Variants in PCDHGB3 observed in about 807,000 individuals in gnomAD.
PCDHGB3 encodes protocadherin gamma subfamily B, 3, also known as protocadherin gamma-B3.
PCDHGB3 carries 40 observed loss-of-function variants against 59.2 expected under a neutral mutation model. The ratio of observed to expected loss-of-function variants is 0.68; its 90% CI spans 0.52 to 0.88. The LOEUF is 0.88. Among genes scored for constraint, PCDHGB3 ranks in the 40% least tolerant of loss-of-function variants. PCDHGB3 has a pLI of 0.00. For synonymous variants in PCDHGB3, 581 were observed against 503.6 expected, an observed-to-expected ratio of 1.15 and a Z score of -2.06; for missense variants, 1,309 against 1,187.9, an observed-to-expected ratio of 1.10 and a Z score of -1.50.
At chr5:141,392,760 A>C in intron 1 of PCDHGB3, 1 of 1,475,092 alleles carries the variant, frequency 6.8e-7, no homozygotes, top group Non-Finnish European at 9.0e-7. Context: ...GAAACTAAAT[A>C]AGACCCATTT....
chr5:141,411,859 C>CA (rs553337516), intron 1 of PCDHGB3: 8,585 of 145,752 alleles, frequency 0.059, 330 homozygotes, highest in Non-Finnish European at 0.088. Context: ...GACCCTGTCT[C>CA]AAAAAAAAAA....
chr5:141,417,821 A>G (rs769813917), intron 1 of PCDHGB3: 1 of 1,514,942 alleles, frequency 6.6e-7, no homozygotes, highest in African/African-American at 1.4e-5. Flanking sequence ...ACTTTCTCCA[A>G]CTGGAAAAGC....
At chr5:141,400,262 G>T (rs1485452553) in intron 1 of PCDHGB3, 1 of 1,613,914 alleles carries the variant, frequency 6.2e-7, no homozygotes, top group African/African-American at 1.3e-5. Flanking sequence ...TTGCGCCTGC[G>T]ACGCTCCTCC....
chr5:141,432,622 G>A lies in PCDHGB3; in HGVS notation c.2415+59813G>A. 6.2e-7 allele frequency: 1 copy of A among 1,612,776 alleles called. No individual in the cohort carries two copies. The stretch of plus-strand genomic sequence containing the variant: ...AGCCGGGACTCTTCTCGGTGGGTCT[G>A]CACACGGGCGAGGTGCGCACGGCGC... On this transcript the variant is annotated intron_variant, in intron 1 of 3. Transcript: ENST00000576222. This position sits in a 1 kb window ranked among gnomAD's most constrained non-coding sequence, Gnocchi z 6.0.
In PCDHGB3 at chr5:141,374,228, G is replaced by A. The variant is rs776875063; in HGVS notation, c.2415+1419G>A. On this transcript the variant is annotated intron_variant, in intron 1 of 3. Coordinates refer to ENST00000576222, the MANE Select transcript of PCDHGB3 (RefSeq NM_018924.5). ...GAAAGGCTCCTTCGTAGGCAACATC[G>A]TCAAGGATCTGGGACTGGAGCCCCA... The A allele has an allele frequency of 3.1e-6, 5 of 1,613,988 alleles. No homozygotes were observed. In the South Asian group the frequency reaches 3.3e-5, roughly 11 times the overall value.
intron 1 of PCDHGB3, chr5:141,393,706 C>T: frequency 1.2e-6 from 2 of 1,613,798 alleles, no homozygotes; most frequent in African/African-American, 1.3e-5. Flanking sequence ...AATGAAAATA[C>T]TGGGGAAATA....
rs73280920 is a variant in PCDHGB3 at position 141,453,809 on chromosome 5, A to G, written c.2416-40998A>G. Among the ~76,000 whole-genome samples, 1,254 of 152,338 alleles carry G rather than the reference A, an allele frequency of 8.2e-3. 17 individuals carry two copies. Among genetic ancestry groups the G allele is most frequent in the African/African-American group, 0.029 (1,191 of 41,572 alleles). On this transcript the variant is annotated intron_variant, in intron 1 of 3. Coordinates refer to ENST00000576222, the MANE Select transcript of PCDHGB3 (RefSeq NM_018924.5). ...GTATATTAACTTTGAGTAGTTCCATAAAGGACAAACTTGGCTGCTAGCCCT... is the reference window on the plus strand; with the variant it reads ...GTATATTAACTTTGAGTAGTTCCATGAAGGACAAACTTGGCTGCTAGCCCT...
chr5:141,454,898 C>T (rs1426884791), intron 1 of PCDHGB3, among the ~76,000 whole-genome samples: 1 of 147,834 alleles, frequency 6.8e-6, no homozygotes, highest in Non-Finnish European at 1.5e-5. Flanking sequence ...AGCACCGCCT[C>T]CCGGGTTCAC....
At chr5:141,429,599 A>G (rs2097227286) in intron 1 of PCDHGB3, among the ~76,000 whole-genome samples, 1 of 152,238 alleles carries the variant, frequency 6.6e-6, no homozygotes, top group Non-Finnish European at 1.5e-5. Flanking sequence ...TAATTCAAGT[A>G]AACTCAATTT....
At chr5:141,423,758 G>GGGC (rs1554116874) in intron 1 of PCDHGB3, 82 of 366,752 alleles carry the variant, frequency 2.2e-4, no homozygotes, top group Middle Eastern at 4.2e-4. Context: ...TTTGGGGGGG[G>GGGC]GGTGGGGCGG....
intron 1 of PCDHGB3, chr5:141,384,711 G>T (rs765373675): frequency 2.5e-6 from 4 of 1,614,160 alleles, no homozygotes; most frequent in Non-Finnish European, 3.4e-6. Flanking sequence ...ACGCCTGGCT[G>T]TCATACCTCC....
chr5:141,427,428 T>A (rs1489623330), intron 1 of PCDHGB3: 1 of 470,472 alleles, frequency 2.1e-6, no homozygotes. Context: ...GGAGGTTACA[T>A]GCCTCATAAA....
intron 1 of PCDHGB3, chr5:141,384,250 A>C: frequency 6.2e-7 from 1 of 1,613,796 alleles, no homozygotes; most frequent in East Asian, 2.2e-5. Context: ...TAACCCACCC[A>C]CCTTCCCCCA....
chr5:141,389,873 C>T (rs767569258), intron 1 of PCDHGB3: 2 of 1,614,070 alleles, frequency 1.2e-6, no homozygotes, highest in Admixed American at 1.7e-5. Context: ...TGGTCTTCGC[C>T]GACAGCTTGC....
intron 1 of PCDHGB3, chr5:141,420,053 T>C (rs1178680836): frequency 3.1e-6 from 5 of 1,613,970 alleles, no homozygotes; most frequent in Non-Finnish European, 2.5e-6. Context: ...GTCAGTTCTC[T>C]GCTCCAAGTC....
chr5:141,506,246 C>T (rs1049014492), intron 3 of PCDHGB3, among the ~76,000 whole-genome samples: 3 of 151,958 alleles, frequency 2.0e-5, no homozygotes, highest in South Asian at 4.2e-4. Context: ...GTCAGGAGTT[C>T]GAAACCGGCC....
At chr5:141,409,567 G>T (rs974585499) in intron 1 of PCDHGB3, 2 of 1,613,896 alleles carry the variant, frequency 1.2e-6, no homozygotes, top group Non-Finnish European at 1.7e-6. Context: ...TCGACCAGAC[G>T]TCCTACGTGG....
chr5:141,370,904 C>T lies in PCDHGB3; in HGVS notation c.510C>T (p.Tyr170=). ...PDVGVNSLQQ[Y]YLSPDPHFSL... Reference sequence around the variant, plus strand: ...TAGGTGTCAATTCGCTGCAGCAGTACTACCTCAGCCCTGATCCGCACTTCT... The same window carrying T: ...TAGGTGTCAATTCGCTGCAGCAGTATTACCTCAGCCCTGATCCGCACTTCT... The change falls in exon 1 of 4, where the codon TAC becomes TAT. Residue 170 remains tyrosine, a synonymous_variant. Coordinates refer to ENST00000576222, the MANE Select transcript of PCDHGB3 (RefSeq NM_018924.5). 2.5e-6 allele frequency: 4 copies of T among 1,614,034 alleles called. No individual in the cohort carries two copies. Among genetic ancestry groups the T allele is most frequent in the Non-Finnish European group, 3.4e-6 (4 of 1,179,894 alleles).
chr5:141,505,324 G>A, intron 2 of PCDHGB3, 69 bp from the exon 3 acceptor site: 2 of 1,607,104 alleles, frequency 1.2e-6, no homozygotes, highest in African/African-American at 1.3e-5. Context: ...GGAGCCCTGG[G>A]AGAGGACAGG....
Sources: allele counts gnomAD v4.1 joint callset (sites outside exome capture counted in the v4.1 genomes callset), GRCh38; gene constraint gnomAD v4.1.1; non-coding constraint Gnocchi (gnomAD v3.1); transcripts MANE v1.5; gene names NCBI Gene and HGNC (gene_info 2026-07-23, HGNC 2026-07-21).